ANO9: variants seen among roughly 807,000 people sequenced by gnomAD.
ANO9 encodes the protein anoctamin-9.
Under a neutral mutation model 100.5 loss-of-function variants are expected in ANO9, and 80 were observed. That is an observed-to-expected ratio of 0.80 (90% confidence interval 0.66 to 0.96). ANO9 has a LOEUF of 0.96. Among genes scored for constraint, ANO9 ranks in the 40% least tolerant of loss-of-function variants. The pLI, the probability that ANO9 is intolerant of heterozygous loss-of-function variation, is 0.00. For missense variants in ANO9, 1,064 were observed against 1,072.7 expected (o/e 0.99, Z 0.11); for synonymous variants, 473 against 435.6 (o/e 1.09, Z -1.07).
rs1463665120 is a variant in ANO9, at chr11:420,814, G to T, written c.1537C>A (p.His513Asn). 6.3e-7 allele frequency: 1 copy of T among 1,592,906 alleles called. No homozygotes were observed. Among genetic ancestry groups the T allele is most frequent in the Non-Finnish European group, 8.5e-7 (1 of 1,173,264 alleles). Residue 513 changes from histidine (H) to asparagine (N), a missense_variant, in exon 18 of 23, where the codon CAC (histidine) becomes AAC (asparagine). Coordinates refer to ENST00000332826, the MANE Select transcript of ANO9 (RefSeq NM_001012302.3). Reference sequence around the variant, plus strand: ...CTGAGCTCGGGGTCCCGGGGCAGGTGCCCGGACTCGGAGGCCCGCAGAGAG... The same window carrying T: ...CTGAGCTCGGGGTCCCGGGGCAGGTTCCCGGACTCGGAGGCCCGCAGAGAG... Reference protein sequence around the residue: ...CRSLRASESGHLPRDPELRDW... With the variant: ...CRSLRASESGNLPRDPELRDW...
Position 429,579 on chromosome 11 carries a change from G to A in ANO9, c.906C>T (p.Asp302=), listed in dbSNP as rs138896704. The change falls in exon 11 of 23, where the codon GAC becomes GAT. Residue 302 remains aspartate, a synonymous_variant. Transcript: ENST00000332826. ...VVLHWDLYVW[D]EEQEEMALQL... ...GCCAGCTCCACCTCACCTGTTCCTC[G>A]TCCCACACGTACAGGTCCCAGTGCA... 2.1e-5 allele frequency: 34 copies of A among 1,612,472 alleles called. No homozygotes were observed. The highest frequency in any genetic ancestry group is 1.2e-4 in the African/African-American group (9 of 75,032).
chr11:440,343 A>C (rs7924341), intron 1 of ANO9: 91,011 of 152,268 alleles, frequency 0.6, 27,365 homozygotes, highest in Middle Eastern at 0.67. Context: ...TCTTGGCCAA[A>C]TGGAGAGCTT....
In ANO9 at chr11:421,689, C is replaced by T. The variant is rs1408283624; in HGVS notation, c.1335-491G>A. On this transcript the variant is annotated intron_variant, in intron 15 of 22. Coordinates refer to ENST00000332826, the MANE Select transcript of ANO9 (RefSeq NM_001012302.3). This position sits in a 1 kb window ranked among gnomAD's most constrained non-coding sequence, Gnocchi z 6.8. The stretch of plus-strand genomic sequence containing the variant: ...ACAGGCAAGGCCACAGGCTCCAACA[C>T]ACGCTCCAGACAGTGTCTGTTACGA... 6.6e-6 allele frequency among the ~76,000 whole-genome samples: 1 copy of T among 152,264 alleles called. No individual in the cohort carries two copies. Among genetic ancestry groups the T allele is most frequent in the Non-Finnish European group, 1.5e-5 (1 of 68,056 alleles).
intron 19 of ANO9, chr11:420,205 C>T (rs1030124430): frequency 1.4e-6 from 2 of 1,398,954 alleles, no homozygotes; most frequent in African/African-American, 1.5e-5. Context: ...GAACCTGGGT[C>T]CCCCTTGGGG....
intron 1 of ANO9, among the ~76,000 whole-genome samples, chr11:435,381 A>T (rs919785994): frequency 6.6e-6 from 1 of 152,070 alleles, no homozygotes; most frequent in Admixed American, 6.6e-5. Context: ...ATATCATAGC[A>T]TAGCATAATA....
Position 421,232 on chromosome 11 carries a change from G to T in ANO9, c.1335-34C>A. ...GAAGGGGAAGTCTGGGGCACTGCGG[G>T]CAGCGCCCTGCCTCTGACAGGGTGG... On this transcript the variant is annotated intron_variant, in intron 15 of 22. Transcript: ENST00000332826. This position sits in a 1 kb window ranked among gnomAD's most constrained non-coding sequence, Gnocchi z 6.8. The T allele has an allele frequency of 6.7e-7, 1 of 1,491,400 alleles. No homozygotes were observed. Among genetic ancestry groups the T allele is most frequent in the African/African-American group, 1.4e-5 (1 of 71,552 alleles). 92.4% of individuals were successfully genotyped at this position (1,491,400 alleles called of 1,614,324 possible).
intron 1 of ANO9, among the ~76,000 whole-genome samples, chr11:436,517 T>C (rs1849558672): frequency 6.6e-6 from 1 of 151,412 alleles, no homozygotes; most frequent in Non-Finnish European, 1.5e-5. Flanking sequence ...AGGAAATGCA[T>C]CCAACCAACC....
chr11:435,790 T>C (rs1054829600), intron 1 of ANO9, among the ~76,000 whole-genome samples: 30 of 151,276 alleles, frequency 2.0e-4, no homozygotes, highest in Non-Finnish European at 2.9e-4. Context: ...TCTAGTCTAG[T>C]ATAGCATAGG....
At position 431,744 on chromosome 11, in the gene ANO9, C is replaced by T. The variant is rs540828200; in HGVS notation, c.489G>A (p.Thr163=). The change falls in exon 7 of 23, where the codon ACG becomes ACA. Residue 163 remains threonine, a synonymous_variant. Transcript: ENST00000332826. ...GGAACATGTGTCTCCACCGCGCCCA[C>T]GTCTTCTTCAGGCGTCCCTCCCCCT... ...LHKGEGRLKK[T]WARWRHMFRE... 2.4e-5 allele frequency: 39 copies of T among 1,612,574 alleles called. No homozygotes were observed. The highest frequency in any genetic ancestry group is 2.9e-5 in the Non-Finnish European group (34 of 1,179,588).
At chr11:430,648 C>T (rs1472514362) in intron 7 of ANO9, among the ~76,000 whole-genome samples, 1 of 72,018 alleles carries the variant, frequency 1.4e-5, no homozygotes. Flanking sequence ...GAGGGGGTCT[C>T]TCTTTTGGTG....
chr11:440,206 C>G (rs765492686), intron 1 of ANO9, among the ~76,000 whole-genome samples: 1 of 152,106 alleles, frequency 6.6e-6, no homozygotes, highest in Non-Finnish European at 1.5e-5. Flanking sequence ...TCGGCACCTA[C>G]GGAAACTGAG....
Position 430,316 on chromosome 11 carries a change from G to A in ANO9, c.627C>T (p.Leu209=), listed in dbSNP as rs1276146822. 2.5e-6 allele frequency: 4 copies of A among 1,608,076 alleles called. No individual in the cohort carries two copies. The highest frequency in any genetic ancestry group is 1.3e-5 in the African/African-American group (1 of 74,554). ...YMLVPAALTG[L]LVFLSGFSLF... Reference sequence around the variant, plus strand: ...GCGAGAATCCGCTCAGAAAGACTAAGAGGCCCGTCAGGGCGGCCGGCACCA... The same window carrying A: ...GCGAGAATCCGCTCAGAAAGACTAAAAGGCCCGTCAGGGCGGCCGGCACCA... Residue 209 remains leucine, a synonymous_variant, in exon 8 of 23, where the codon CTC becomes CTT. Transcript: ENST00000332826.
Position 418,409 on chromosome 11 carries a change from G to A in ANO9, c.2311C>T (p.Pro771Ser). ...CTCCTGGCACTGAAGATGGATGCTG[G>A]GGTGGGATGGGCAGGCATTGGGGGC... is the stretch of plus-strand genomic sequence containing the variant. ...SRPPMPAHPT[P>S]ASIFSARSTD... The change falls in exon 23 of 23, where the codon CCA (proline) becomes TCA (serine). Residue 771 changes from proline (P) to serine (S), a missense_variant. Transcript: ENST00000332826. The A allele has an allele frequency of 1.2e-6, 2 of 1,612,326 alleles. No individual in the cohort carries two copies. Among genetic ancestry groups the A allele is most frequent in the South Asian group, 1.1e-5 (1 of 91,056 alleles).
At chr11:429,959 C>T in intron 9 of ANO9, 124 bp downstream of exon 9, 2 of 1,329,118 alleles carry the variant, frequency 1.5e-6, no homozygotes, top group Non-Finnish European at 2.1e-6. Flanking sequence ...CTGGGCCTCC[C>T]CGTCAGCCCT....
Position 429,576 on chromosome 11 carries a change from C to T in ANO9, c.909G>A (p.Glu303=). 1 of 1,612,494 alleles carries T rather than the reference C, an allele frequency of 6.2e-7. No homozygotes were observed. The highest frequency in any genetic ancestry group is 2.2e-5 in the East Asian group (1 of 44,870). ...GCTGCCAGCTCCACCTCACCTGTTC[C>T]TCGTCCCACACGTACAGGTCCCAGT... is the stretch of plus-strand genomic sequence containing the variant. ...VLHWDLYVWD[E]EQEEMALQLI... The change falls in exon 11 of 23, where the codon GAG becomes GAA. Residue 303 remains glutamate, a synonymous_variant. Transcript: ENST00000332826.
chr11:440,315 A>G, intron 1 of ANO9: 1 of 152,648 alleles, frequency 6.6e-6, no homozygotes, highest in Non-Finnish European at 1.5e-5. Flanking sequence ...GAGGCCAATC[A>G]GGGGAGGCTG....
intron 18 of ANO9, 43 bp downstream of exon 18, chr11:420,675 C>A (rs1170480645): frequency 3.1e-6 from 5 of 1,601,034 alleles, no homozygotes; most frequent in Non-Finnish European, 4.3e-6. Flanking sequence ...ACCCCCGCCC[C>A]GCATTCGTCT....
intron 1 of ANO9, among the ~76,000 whole-genome samples, chr11:439,587 C>T (rs904265534): frequency 3.5e-5 from 3 of 85,914 alleles, no homozygotes; most frequent in African/African-American, 1.2e-4. Flanking sequence ...GTGTTTGGGC[C>T]TCATCTCCTC....
At chr11:441,059 G>C (rs533228859) in intron 1 of ANO9, among the ~76,000 whole-genome samples, 68 of 152,322 alleles carry the variant, frequency 4.5e-4, no homozygotes, top group African/African-American at 1.6e-3. Flanking sequence ...AGGGGCATCA[G>C]GTGCTGGGCT....
Sources: gnomAD v4.1 joint callset for allele counts (sites outside exome capture counted in the v4.1 genomes callset) on GRCh38, gnomAD v4.1.1 for gene constraint, Gnocchi (gnomAD v3.1) non-coding constraint, MANE v1.5 for transcripts, NCBI Gene and HGNC (gene_info 2026-07-23, HGNC 2026-07-21) for gene names.